The following KDM5A variants were observed in gnomAD, a reference collection of about 807,000 sequenced individuals.
KDM5A encodes lysine demethylase 5A.
Under a neutral mutation model 193.5 loss-of-function variants are expected in KDM5A, and 42 were observed. That is an observed-to-expected ratio of 0.22 (90% CI 0.17 to 0.28). The LOEUF (loss-of-function observed/expected upper bound fraction) is 0.28, where lower values mean the gene tolerates loss of function less well. Ranked by LOEUF, KDM5A falls within the 10% of genes least tolerant of loss-of-function variation. KDM5A has a pLI of 1.00. For synonymous variants in KDM5A, 796 were observed against 718.1 expected, an observed-to-expected ratio of 1.11 and a Z score of -1.73; for missense variants, 1,692 against 2,055.1, an observed-to-expected ratio of 0.82 and a Z score of 3.42.
At chr12:337,300 T>C (rs1943946703) in intron 10 of KDM5A, among the ~76,000 whole-genome samples, 2 of 152,224 alleles carry the variant, frequency 1.3e-5, no homozygotes, top group African/African-American at 2.4e-5. Context: ...TATTTATTTA[T>C]AGCAGTACAA....
chr12:342,179 G>A (rs564884039), intron 10 of KDM5A, among the ~76,000 whole-genome samples: 11 of 152,202 alleles, frequency 7.2e-5, no homozygotes, highest in African/African-American at 2.6e-4. Context: ...AGCTACAGGG[G>A]CTATACTTTT....
intron 12 of KDM5A, chr12:333,224 A>G: frequency 2.1e-6 from 1 of 473,448 alleles, no homozygotes; most frequent in South Asian, 2.1e-5. Flanking sequence ...TTCGAGACCA[A>G]CCTGGGCAAC....
chr12:355,413 T>C (rs1295616359), intron 6 of KDM5A, among the ~76,000 whole-genome samples, 164 bp from the exon 7 acceptor site: 2 of 152,216 alleles, frequency 1.3e-5, no homozygotes, highest in Non-Finnish European at 2.9e-5. Context: ...GAACCTGAGG[T>C]ACAGCAAAGT....
intron 14 of KDM5A, among the ~76,000 whole-genome samples, chr12:327,395 A>T (rs547470644): frequency 9.2e-5 from 14 of 152,314 alleles, no homozygotes; most frequent in Non-Finnish European, 1.8e-4. Context: ...ATAAATATAT[A>T]ATCAAAATAA....
intron 19 of KDM5A, among the ~76,000 whole-genome samples, chr12:314,426 A>C (rs963897587): frequency 5.3e-5 from 8 of 151,794 alleles, no homozygotes; most frequent in Non-Finnish European, 8.8e-5. Context: ...CCATCTCCTG[A>C]CCTCGTGATT....
At chr12:347,308 A>C (rs1944090759) in intron 10 of KDM5A, among the ~76,000 whole-genome samples, 1 of 152,226 alleles carries the variant, frequency 6.6e-6, no homozygotes, top group Admixed American at 6.5e-5. Context: ...GATAGGAAGA[A>C]TCAATATAGT....
At chr12:381,690 A>ATT in intron 3 of KDM5A, among the ~76,000 whole-genome samples, 1 of 152,318 alleles carries the variant, frequency 6.6e-6, no homozygotes, top group East Asian at 1.9e-4. Context: ...TACCTGACTG[A>ATT]TTAAAAAAAG....
rs571194209 is a variant in KDM5A at position 281,031 on chromosome 12, A to G, written c.*4425T>C. 1 of 232,976 alleles carries G rather than the reference A, an allele frequency of 4.3e-6. No homozygotes were observed. The highest frequency in any genetic ancestry group is 6.0e-5 in the East Asian group (1 of 16,552). The allele number at this position is 232,976 out of a possible 1,614,324, so 14.4% of individuals were successfully genotyped here. On this transcript the variant is annotated 3_prime_UTR_variant, in exon 28 of 28. Transcript: ENST00000399788. ...TATCAAAATGTACTTTTGCTTGGTT[A>G]CCATTTAAAGTTGCCACCAATGTAA...
At chr12:302,612 C>G (rs1374264342) in intron 24 of KDM5A, among the ~76,000 whole-genome samples, 1 of 152,102 alleles carries the variant, frequency 6.6e-6, no homozygotes, top group Non-Finnish European at 1.5e-5. Context: ...TGGGCATGGG[C>G]AAAGACTTCA....
intron 4 of KDM5A, among the ~76,000 whole-genome samples, chr12:364,602 G>A (rs1236456636): frequency 2.0e-5 from 3 of 151,654 alleles, no homozygotes; most frequent in Non-Finnish European, 2.9e-5. Flanking sequence ...TGGCTAACAC[G>A]GTGAAACTCC....
intron 27 of KDM5A, chr12:286,339 TG>T: frequency 2.8e-6 from 1 of 363,438 alleles, no homozygotes; most frequent in Non-Finnish European, 5.4e-6. Flanking sequence ...CAGTGGCAGG[TG>T]TCAAACTTTG....
At position 365,857 on chromosome 12, in the gene KDM5A, G is replaced by A. The variant is rs1489473227; in HGVS notation, c.537+77C>T. 8 of 1,471,222 alleles carry A rather than the reference G, an allele frequency of 5.4e-6. No homozygotes were observed. The East Asian group carries it at 1.6e-4, about 29-fold the overall frequency. 91.1% of individuals were successfully genotyped at this position (1,471,222 alleles called of 1,614,324 possible). On this transcript the variant is annotated intron_variant, in intron 4 of 27. Coordinates refer to ENST00000399788, the MANE Select transcript of KDM5A (RefSeq NM_001042603.3). ...CCAAATTTTGGTGCCTGCTAACTTG[G>A]GTTAAACACAGTCTAAAGTTTGTAC... is the stretch of plus-strand genomic sequence containing the variant.
At position 322,148 on chromosome 12, in the gene KDM5A, G is replaced by A; in HGVS notation, c.2426+269C>T. 9.6e-6 allele frequency: 4 copies of A among 415,450 alleles called. No homozygotes were observed. The South Asian group carries it at 1.1e-4, about 11-fold the overall frequency. 25.7% of individuals were successfully genotyped at this position (415,450 alleles called of 1,614,324 possible). A position where few individuals can be genotyped will look rare whatever the true frequency, so the allele number is the denominator to read the frequency against. On this transcript the variant is annotated intron_variant, in intron 17 of 27. Coordinates refer to ENST00000399788, the MANE Select transcript of KDM5A (RefSeq NM_001042603.3). ...AAGCCACCTGGATACGGTGGGAAGAGAACTCCAAGCAGAGTAAAGAGAGCA... is the reference window on the plus strand; with the variant it reads ...AAGCCACCTGGATACGGTGGGAAGAAAACTCCAAGCAGAGTAAAGAGAGCA...
chr12:349,720 T>C (rs922982824), intron 10 of KDM5A, among the ~76,000 whole-genome samples: 1 of 152,104 alleles, frequency 6.6e-6, no homozygotes, highest in Non-Finnish European at 1.5e-5. Flanking sequence ...TTCCTTTTTT[T>C]TAAGAGACAG....
rs770369961 is a variant in KDM5A at position 329,012 on chromosome 12, T to A, written c.1791A>T (p.Gln597His). Reference sequence around the variant, plus strand: ...TTAGGCGTCGGTAATGATTTACACATTGACGTCCAATGGGCAACTGAAAAT... The same window carrying A: ...TTAGGCGTCGGTAATGATTTACACAATGACGTCCAATGGGCAACTGAAAAT... ...CTADWLPIGR[Q>H]CVNHYRRLRR... is the part of the protein sequence containing the mutation. The change falls in exon 14 of 28, where the codon CAA (glutamine) becomes CAT (histidine). Residue 597 changes from glutamine to histidine, a missense_variant. Around this residue, in one of 11 missense-constraint regions of KDM5A, gnomAD observed 172 missense variants for 260.3 expected, o/e 0.66. Coordinates refer to ENST00000399788, the MANE Select transcript of KDM5A (RefSeq NM_001042603.3). 1.9e-6 allele frequency: 3 copies of A among 1,614,222 alleles called. No homozygotes were observed. Among genetic ancestry groups the A allele is most frequent in the Non-Finnish European group, 2.5e-6 (3 of 1,180,024 alleles).
intron 10 of KDM5A, among the ~76,000 whole-genome samples, chr12:338,894 C>A (rs1943965755): frequency 6.6e-6 from 1 of 152,104 alleles, no homozygotes; most frequent in Non-Finnish European, 1.5e-5. Context: ...TAAGACACAA[C>A]TTCCGGCAGG....
At chr12:310,766 G>C (rs1245102715) in intron 21 of KDM5A, 119 bp downstream of exon 21, 1 of 1,132,876 alleles carries the variant, frequency 8.8e-7, no homozygotes, top group Non-Finnish European at 1.3e-6. Context: ...GTCAACATCT[G>C]ATATTACCTA....
intron 10 of KDM5A, among the ~76,000 whole-genome samples, chr12:340,228 T>G (rs1251314264): frequency 6.6e-6 from 1 of 152,074 alleles, no homozygotes; most frequent in Non-Finnish European, 1.5e-5. Context: ...CGACTCCATC[T>G]GGCTCTCAAA....
At chr12:360,507 G>T (rs1203528654) in intron 5 of KDM5A, among the ~76,000 whole-genome samples, 1 of 152,074 alleles carries the variant, frequency 6.6e-6, no homozygotes, top group Non-Finnish European at 1.5e-5. Flanking sequence ...CAATTTCAAG[G>T]ACAGGAGTCA....
Sources: gnomAD v4.1 joint callset for allele counts (sites outside exome capture counted in the v4.1 genomes callset) on GRCh38, gnomAD v4.1.1 for gene constraint, gnomAD v4.1.1 regional missense constraint, MANE v1.5 for transcripts, NCBI Gene and HGNC (gene_info 2026-07-23, HGNC 2026-07-21) for gene names.